ARHGAP10: variants seen among roughly 807,000 people sequenced by gnomAD.
ARHGAP10 encodes the protein Rho GTPase activating protein 10, also known as rho GTPase-activating protein 10.
A neutral mutation model predicts 108.6 loss-of-function variants in ARHGAP10; 87 were observed. That is an observed-to-expected ratio of 0.80 (90% CI 0.67 to 0.96). The LOEUF (loss-of-function observed/expected upper bound fraction) is 0.96, where lower values mean the gene tolerates loss of function less well. ARHGAP10 is among the 40% of genes least tolerant of loss of function. ARHGAP10 has a pLI of 0.00. For synonymous variants in ARHGAP10, 347 were observed against 341.1 expected, an observed-to-expected ratio of 1.02 and a Z score of -0.19; for missense variants, 939 against 954.5, an observed-to-expected ratio of 0.98 and a Z score of 0.21.
intron 14 of ARHGAP10, among the ~76,000 whole-genome samples, chr4:147,945,091 A>G (rs168368): frequency 1 from 152,260 of 152,266 alleles, 76,127 homozygotes; most frequent in Non-Finnish European, 1. Flanking sequence ...GGTTGTTAGA[A>G]GCGTGTAAGC....
chr4:147,937,587 T>A (rs1218817215), intron 13 of ARHGAP10, among the ~76,000 whole-genome samples: 2 of 152,236 alleles, frequency 1.3e-5, no homozygotes, highest in Non-Finnish European at 2.9e-5. Context: ...TAAATCGTCC[T>A]GTTATACACA....
intron 1 of ARHGAP10, among the ~76,000 whole-genome samples, chr4:147,741,564 G>T (rs1023769985): frequency 9.9e-5 from 15 of 152,146 alleles, no homozygotes; most frequent in Non-Finnish European, 2.2e-4. Flanking sequence ...GGACTGGATG[G>T]TATCTTGTGG....
At chr4:147,795,394 T>A (rs1252857860) in intron 1 of ARHGAP10, among the ~76,000 whole-genome samples, 2 of 152,216 alleles carry the variant, frequency 1.3e-5, no homozygotes, top group African/African-American at 4.8e-5. Flanking sequence ...TGTAAGGAGA[T>A]CTTGGTTCTG....
intron 1 of ARHGAP10, among the ~76,000 whole-genome samples, chr4:147,777,477 G>C (rs375983058): frequency 1.3e-5 from 2 of 151,998 alleles, no homozygotes; most frequent in Non-Finnish European, 2.9e-5. Context: ...TAGCCAGGAT[G>C]GTCTCCATCT....
chr4:147,859,120 T>C (rs1579125141), intron 5 of ARHGAP10, among the ~76,000 whole-genome samples: 2 of 152,310 alleles, frequency 1.3e-5, no homozygotes, highest in East Asian at 3.9e-4. Context: ...GTTTTCCTTC[T>C]GCCTGGTATG....
At chr4:147,931,925 C>T (rs1171597467) in intron 13 of ARHGAP10, among the ~76,000 whole-genome samples, 1 of 152,108 alleles carries the variant, frequency 6.6e-6, no homozygotes, top group African/African-American at 2.4e-5. Flanking sequence ...GCAATCTATC[C>T]ATCTGACAAA....
At chr4:148,059,052 A>G (rs1729488045) in intron 20 of ARHGAP10, among the ~76,000 whole-genome samples, 1 of 152,186 alleles carries the variant, frequency 6.6e-6, no homozygotes, top group African/African-American at 2.4e-5. Context: ...CCAAGTTAGC[A>G]ATTTGAAATC....
At chr4:147,829,245 G>A (rs928626356) in intron 3 of ARHGAP10, among the ~76,000 whole-genome samples, 1 of 151,980 alleles carries the variant, frequency 6.6e-6, no homozygotes, top group Non-Finnish European at 1.5e-5. Flanking sequence ...GTAGAGACAG[G>A]GTTTCACCGT....
At chr4:147,908,549 G>A (rs567530701) in intron 11 of ARHGAP10, among the ~76,000 whole-genome samples, 2 of 152,278 alleles carry the variant, frequency 1.3e-5, no homozygotes, top group South Asian at 2.1e-4. Flanking sequence ...GACACTGAAG[G>A]GACTGCATAT....
chr4:148,013,045 A>G (rs1236597776), intron 18 of ARHGAP10, among the ~76,000 whole-genome samples: 1 of 152,078 alleles, frequency 6.6e-6, no homozygotes, highest in Non-Finnish European at 1.5e-5. Flanking sequence ...TGGGAAAAAA[A>G]TGTTTATCAA....
rs559634886 is a variant in ARHGAP10, at chr4:147,775,166, G to GC, written c.154+42717dup. Among the ~76,000 whole-genome samples, 5 of 152,190 alleles carry GC rather than the reference G, an allele frequency of 3.3e-5. No individual in the cohort carries two copies. The South Asian group carries it at 1.0e-3, about 32-fold the overall frequency. ...CTGACCTCGTGATCCACTCGCCTCGGCCCCCCAAAGTGCTGGGATTACAGG... is the reference window on the plus strand; with the variant it reads ...CTGACCTCGTGATCCACTCGCCTCGGCCCCCCCAAAGTGCTGGGATTACAGG... On this transcript the variant is annotated intron_variant, in intron 1 of 22. Transcript: ENST00000336498.
chr4:148,018,910 T>A (rs1260476680), intron 18 of ARHGAP10, among the ~76,000 whole-genome samples: 1 of 152,256 alleles, frequency 6.6e-6, no homozygotes, highest in Non-Finnish European at 1.5e-5. Flanking sequence ...GTAAAATGTG[T>A]GGAACAGTAC....
chr4:147,917,323 A>G (rs1307771473), intron 13 of ARHGAP10: 1 of 152,194 alleles, frequency 6.6e-6, no homozygotes, highest in African/African-American at 2.4e-5. Flanking sequence ...CAATTTAGGG[A>G]CATGGGTTTT....
At chr4:148,045,738 CAAAAAAAAAAAAAAAA>C (rs11363800) in intron 19 of ARHGAP10, among the ~76,000 whole-genome samples, 1 of 57,518 alleles carries the variant, frequency 1.7e-5, no homozygotes, top group East Asian at 6.0e-4. Context: ...AACTCCATCT[CAAAAAAAAAAAAAAAA>C]AAAAAAAAAA....
rs780831683 is a variant in ARHGAP10, at chr4:147,881,891, C to T, written c.993C>T (p.Ser331=). 3.7e-6 allele frequency: 6 copies of T among 1,613,984 alleles called. No homozygotes were observed. In the South Asian group the frequency reaches 5.5e-5, roughly 15 times the overall value. ...LKECTKRHTD[S]IDRRFCFDIE... Reference sequence around the variant, plus strand: ...AATGTACCAAGAGGCATACTGACTCCATTGACAGAAGGTTTTGTTTTGACA... The same window carrying T: ...AATGTACCAAGAGGCATACTGACTCTATTGACAGAAGGTTTTGTTTTGACA... Residue 331 remains serine (S), a synonymous_variant, in exon 10 of 23, where the codon TCC becomes TCT. Transcript: ENST00000336498.
chr4:147,873,656 G>A (rs1267021568), intron 7 of ARHGAP10, among the ~76,000 whole-genome samples: 1 of 104,938 alleles, frequency 9.5e-6, no homozygotes, highest in Non-Finnish European at 2.0e-5. Context: ...TGAGACCCCT[G>A]TCTCTACAAA....
At chr4:147,860,831 T>C (rs192549449) in intron 5 of ARHGAP10, among the ~76,000 whole-genome samples, 2 of 152,358 alleles carry the variant, frequency 1.3e-5, no homozygotes, top group East Asian at 3.9e-4. Flanking sequence ...TGTGTATTTG[T>C]TAAAAACTAG....
chr4:147,991,012 C>A (rs1033001304), intron 18 of ARHGAP10, among the ~76,000 whole-genome samples: 11 of 151,940 alleles, frequency 7.2e-5, no homozygotes, highest in Non-Finnish European at 1.3e-4. Context: ...GAGACCCTGT[C>A]TCAATAGAAA....
Position 148,017,680 on chromosome 4 carries a change from A to ATATATATATATATATATATATATATGAG in ARHGAP10, c.1717-5580_1717-5579insATATATATATATATATATATATGAGTAT, listed in dbSNP as rs11281620. 3.7e-4 allele frequency among the ~76,000 whole-genome samples: 52 copies of ATATATATATATATATATATATATATGAG among 141,434 alleles called. 2 individuals carry two copies. The highest frequency in any genetic ancestry group is 1.3e-3 in the African/African-American group (49 of 36,570). The allele number at this position is 141,434 out of a possible 152,430, so 92.8% of individuals were successfully genotyped here. On this transcript the variant is annotated intron_variant, in intron 18 of 22. Transcript: ENST00000336498. ...TATATATATATATATATATATATAT[A>ATATATATATATATATATATATATATGAG]TATGTGTGTGTATGTAAAGGAATTC...
Sources: gnomAD v4.1 joint callset for allele counts (sites outside exome capture counted in the v4.1 genomes callset) on GRCh38, gnomAD v4.1.1 for gene constraint, MANE v1.5 for transcripts, NCBI Gene and HGNC (gene_info 2026-07-23, HGNC 2026-07-21) for gene names.